RBFOX2: variants seen among roughly 807,000 people sequenced by gnomAD.
RBFOX2 encodes RNA binding fox-1 homolog 2.
A neutral mutation model predicts 49.1 loss-of-function variants in RBFOX2; 10 were observed. The ratio of observed to expected loss-of-function variants is 0.20; its 90% confidence interval spans 0.13 to 0.35. The LOEUF is 0.35. RBFOX2 is among the 10% of genes least tolerant of loss of function. The pLI is 1.00. For synonymous variants in RBFOX2, 183 were observed against 187.4 expected, an observed-to-expected ratio of 0.98 and a Z score of 0.19; for missense variants, 323 against 486.9, an observed-to-expected ratio of 0.66 and a Z score of 3.17.
At chr22:35,866,315 T>C (rs1603426101) in intron 1 of RBFOX2, among the ~76,000 whole-genome samples, 1 of 152,356 alleles carries the variant, frequency 6.6e-6, no homozygotes, top group South Asian at 2.1e-4. Flanking sequence ...ATTTGGAACA[T>C]AATATATACG....
chr22:35,986,629 G>A (rs1254401338), intron 1 of RBFOX2, among the ~76,000 whole-genome samples: 1 of 152,152 alleles, frequency 6.6e-6, no homozygotes, highest in African/African-American at 2.4e-5. Flanking sequence ...CCTTTAAGAA[G>A]GCCTCCACTG....
chr22:35,944,003 T>C (rs2053989643), intron 1 of RBFOX2, among the ~76,000 whole-genome samples: 1 of 152,234 alleles, frequency 6.6e-6, no homozygotes, highest in African/African-American at 2.4e-5. Context: ...ATATTCTTCT[T>C]TGGCTGCTTA....
At chr22:35,930,875 C>T (rs1338897999) in intron 1 of RBFOX2, among the ~76,000 whole-genome samples, 1 of 152,048 alleles carries the variant, frequency 6.6e-6, no homozygotes, top group Non-Finnish European at 1.5e-5. Flanking sequence ...TTCTCATCTT[C>T]AACAGTAGGA....
At chr22:35,964,888 G>C (rs573899752), upstream of RBFOX2, among the ~76,000 whole-genome samples, 8 of 152,262 alleles carry the variant, frequency 5.3e-5, no homozygotes, top group East Asian at 3.9e-4. Context: ...GAAAAAAAAT[G>C]TATCTACTGA....
intron 1 of RBFOX2, among the ~76,000 whole-genome samples, chr22:35,881,049 G>A (rs1054404527): frequency 6.6e-6 from 1 of 151,842 alleles, no homozygotes; most frequent in Non-Finnish European, 1.5e-5. Context: ...CGGATCACGA[G>A]GTCAGGAGAT....
At chr22:35,839,012 G>A (rs568633407) in intron 1 of RBFOX2, among the ~76,000 whole-genome samples, 5 of 152,220 alleles carry the variant, frequency 3.3e-5, no homozygotes, top group Non-Finnish European at 5.9e-5. Context: ...CTCGCCCTCC[G>A]GTGGTTACTG....
At chr22:35,927,851 A>C (rs977782699) in intron 1 of RBFOX2, among the ~76,000 whole-genome samples, 3 of 152,136 alleles carry the variant, frequency 2.0e-5, no homozygotes, top group African/African-American at 7.2e-5. Flanking sequence ...TTTTTCTTGG[A>C]GATGTCCAAC....
At chr22:35,818,550 G>A (rs995434777) in intron 1 of RBFOX2, among the ~76,000 whole-genome samples, 18 of 152,168 alleles carry the variant, frequency 1.2e-4, no homozygotes, top group Admixed American at 3.9e-4. Context: ...TTGGAAGGCC[G>A]GGGTGGGAGG....
intron 1 of RBFOX2, among the ~76,000 whole-genome samples, chr22:35,859,513 A>C (rs903319575): frequency 1.3e-5 from 2 of 152,198 alleles, no homozygotes; most frequent in Non-Finnish European, 2.9e-5. Context: ...CTACCAGAAA[A>C]TAGCAAATCA....
rs900396557 is a variant in RBFOX2 at position 35,946,595 on chromosome 22, T to A, written c.43-7698A>T. Among the ~76,000 whole-genome samples the A allele has an allele frequency of 7.2e-5, 11 of 152,204 alleles. No individual in the cohort carries two copies. The South Asian group carries it at 1.0e-3, about 14-fold the overall frequency. ...CCCCCACGTCTATTTATTGCAAAAT[T>A]ATATAGTCTATGGGAATAAATCCTA... On this transcript the variant is annotated intron_variant, in intron 1 of 5. Coordinates refer to the RBFOX2 transcript ENST00000408983.
chr22:35,957,918 G>A (rs1402526692), intron 1 of RBFOX2, among the ~76,000 whole-genome samples: 1 of 152,014 alleles, frequency 6.6e-6, no homozygotes, highest in African/African-American at 2.4e-5. Flanking sequence ...ATTTAAACTG[G>A]TGTTTCACTA....
At chr22:35,912,488 C>T (rs1339706438) in intron 1 of RBFOX2, among the ~76,000 whole-genome samples, 1 of 152,184 alleles carries the variant, frequency 6.6e-6, no homozygotes, top group African/African-American at 2.4e-5. Flanking sequence ...CCTGTCCACC[C>T]AATTCACAGT....
intron 1 of RBFOX2, among the ~76,000 whole-genome samples, chr22:35,865,759 T>C (rs1001509123): frequency 6.6e-6 from 1 of 152,168 alleles, no homozygotes; most frequent in Non-Finnish European, 1.5e-5. Flanking sequence ...TAGCCTAATA[T>C]AGGGTACATG....
chr22:35,809,270 T>C lies in RBFOX2; in HGVS notation c.252+510A>G, dbSNP rs112261939. Among the ~76,000 whole-genome samples, 712 of 152,198 alleles carry C rather than the reference T, an allele frequency of 4.7e-3. 9 individuals carry two copies. Among genetic ancestry groups the C allele is most frequent in the African/African-American group, 0.016 (654 of 41,518 alleles). ...ATAACTGGTCCAAGGTCACACAGTTTAGTAGGGGCCATATTGAGATTCAAA... is the reference window on the plus strand; with the variant it reads ...ATAACTGGTCCAAGGTCACACAGTTCAGTAGGGGCCATATTGAGATTCAAA... On this transcript the variant is annotated intron_variant, in intron 2 of 11. Transcript: ENST00000405409.
At position 35,858,741 on chromosome 22, in the gene RBFOX2, G is replaced by A. The variant is rs1372213967; in HGVS notation, c.-33-48737C>T. Among the ~76,000 whole-genome samples, 7 of 150,454 alleles carry A rather than the reference G, an allele frequency of 4.7e-5. No individual in the cohort carries two copies. In the East Asian group the frequency reaches 9.8e-4, roughly 21 times the overall value. ...CTCAGGAGGCTGAGACAGGAGAATCGCTTGAACCCGGGAGGCGGAGGTGGC... is the reference window on the plus strand; with the variant it reads ...CTCAGGAGGCTGAGACAGGAGAATCACTTGAACCCGGGAGGCGGAGGTGGC... On this transcript the variant is annotated intron_variant, in intron 1 of 13. Coordinates refer to the RBFOX2 transcript ENST00000359369.
At chr22:35,912,099 G>A (rs1412196460) in intron 1 of RBFOX2, among the ~76,000 whole-genome samples, 2 of 152,310 alleles carry the variant, frequency 1.3e-5, no homozygotes, top group African/African-American at 4.8e-5. Flanking sequence ...CATGCCAACT[G>A]ACTGGCATAT....
At chr22:35,995,255 G>A (rs1275796333) in intron 1 of RBFOX2, 2 of 152,132 alleles carry the variant, frequency 1.3e-5, no homozygotes, top group African/African-American at 2.4e-5. Context: ...ACATCCATTT[G>A]AAATGGAAAG....
At chr22:36,019,788 G>T (rs952019754) in intron 1 of RBFOX2, among the ~76,000 whole-genome samples, 1 of 152,122 alleles carries the variant, frequency 6.6e-6, no homozygotes, top group African/African-American at 2.4e-5. Flanking sequence ...TCATGGATAG[G>T]AAGAATCAAT....
At chr22:35,958,981 T>G (rs2055903590) in intron 1 of RBFOX2, among the ~76,000 whole-genome samples, 1 of 143,838 alleles carries the variant, frequency 7.0e-6, no homozygotes, top group South Asian at 2.2e-4. Context: ...ATATATTGTG[T>G]AAAGCTTAGT....
Sources: allele counts gnomAD v4.1 joint callset (sites outside exome capture counted in the v4.1 genomes callset), GRCh38; gene constraint gnomAD v4.1.1; transcripts MANE v1.5; gene names NCBI Gene and HGNC (gene_info 2026-07-23, HGNC 2026-07-21).